The following PSD3 variants were observed in gnomAD, a reference collection of about 807,000 sequenced individuals.
PSD3 encodes the protein pleckstrin and Sec7 domain containing 3.
A neutral mutation model predicts 105.5 loss-of-function variants in PSD3; 49 were observed. The observed-to-expected ratio is 0.46, with a 90% CI of 0.37 to 0.59. The LOEUF is 0.59. Ranked by LOEUF, PSD3 falls within the 20% of genes least tolerant of loss-of-function variation. The pLI is 0.00. For missense variants in PSD3, 1,561 were observed against 1,263.8 expected (o/e 1.24, Z -3.57); for synonymous variants, 557 against 457.8 (o/e 1.22, Z -2.77).
intron 1 of PSD3, among the ~76,000 whole-genome samples, chr8:19,023,802 G>T (rs1827446943): frequency 6.6e-6 from 1 of 152,072 alleles, no homozygotes; most frequent in South Asian, 2.1e-4. Flanking sequence ...TGACAGCACT[G>T]CTTCACAGTC....
chr8:18,718,866 A>C (rs1033580968), intron 9 of PSD3, among the ~76,000 whole-genome samples: 4 of 152,184 alleles, frequency 2.6e-5, no homozygotes, highest in Non-Finnish European at 4.4e-5. Context: ...TTTTACAAAA[A>C]GGAGGCAATG....
chr8:18,800,575 G>C (rs1437444833), intron 7 of PSD3, among the ~76,000 whole-genome samples: 1 of 152,188 alleles, frequency 6.6e-6, no homozygotes, highest in Admixed American at 6.5e-5. Flanking sequence ...ACACTGAAAA[G>C]TGTACTTTAT....
At chr8:18,635,315 C>T (rs1807173292) in intron 10 of PSD3, among the ~76,000 whole-genome samples, 1 of 152,134 alleles carries the variant, frequency 6.6e-6, no homozygotes, top group Admixed American at 6.5e-5. Flanking sequence ...GAAATCAAAT[C>T]TCGGGGCTAG....
Position 18,935,894 on chromosome 8 carries a change from G to A in PSD3, c.130+140C>T, listed in dbSNP as rs1056280052. 68 of 574,080 alleles carry A rather than the reference G, an allele frequency of 1.2e-4. 1 individual carries two copies. The South Asian group carries it at 2.0e-3, about 17-fold the overall frequency. 35.6% of individuals were successfully genotyped at this position (574,080 alleles called of 1,614,324 possible). The stretch of plus-strand genomic sequence containing the variant: ...AAATATTTGCGGATTCTACATCTTG[G>A]GAAGATTGTTTTGATGAATAATTAG... On this transcript the variant is annotated intron_variant, in intron 2 of 15. Coordinates refer to ENST00000327040, the MANE Select transcript of PSD3 (RefSeq NM_015310.4).
intron 9 of PSD3, among the ~76,000 whole-genome samples, chr8:18,752,617 AATATATATT>A (rs1563225831): frequency 2.8e-5 from 2 of 71,802 alleles, no homozygotes; most frequent in East Asian, 4.2e-4. Context: ...TAATACATAT[AATATATATT>A]ATATATAATA....
intron 9 of PSD3, among the ~76,000 whole-genome samples, chr8:18,730,526 G>A (rs1488277190): frequency 1.2e-4 from 18 of 152,134 alleles, no homozygotes; most frequent in Admixed American, 1.2e-3. Context: ...TAGTACCTCT[G>A]AGGAAAGATA....
At chr8:18,884,279 C>T (rs1194019257) in intron 2 of PSD3, among the ~76,000 whole-genome samples, 1 of 152,036 alleles carries the variant, frequency 6.6e-6, no homozygotes, top group Non-Finnish European at 1.5e-5. Context: ...AACATTTTTA[C>T]GTTTAATAAT....
chr8:18,741,853 G>C lies in PSD3; in HGVS notation c.2172+23596C>G, dbSNP rs200850548. ...CATATGGTTACCAACAAATGAAATA[G>C]TGACTGTTGCAAACAGAATAAAAAA... On this transcript the variant is annotated intron_variant, in intron 9 of 15. Transcript: ENST00000327040. Among the ~76,000 whole-genome samples, 3 of 141,994 alleles carry C rather than the reference G, an allele frequency of 2.1e-5. No homozygotes were observed. In the East Asian group the frequency reaches 6.1e-4, roughly 29 times the overall value. The allele number at this position is 141,994 out of a possible 152,430, so 93.2% of individuals were successfully genotyped here.
chr8:18,850,948 T>C (rs1424089311), intron 4 of PSD3, among the ~76,000 whole-genome samples: 4 of 152,116 alleles, frequency 2.6e-5, no homozygotes, highest in African/African-American at 4.8e-5. Flanking sequence ...TTCTTATGCA[T>C]ACCAGGAGCA....
rs1411206376 is a variant in PSD3 at position 18,865,230 on chromosome 8, A to T, written c.1634+2444T>A. Reference sequence around the variant, plus strand: ...CTGGAATACAGATTCTATGTTATATATATATATATATATATATATATATAT... The same window carrying T: ...CTGGAATACAGATTCTATGTTATATTTATATATATATATATATATATATAT... On this transcript the variant is annotated intron_variant, in intron 4 of 15. Coordinates refer to ENST00000327040, the MANE Select transcript of PSD3 (RefSeq NM_015310.4). The T allele has an allele frequency of 9.0e-4, 4 of 4,442 alleles. No homozygotes were observed. The East Asian group carries it at 0.043, about 47-fold the overall frequency. 0.3% of individuals were successfully genotyped at this position (4,442 alleles called of 1,614,324 possible).
intron 4 of PSD3, among the ~76,000 whole-genome samples, chr8:18,861,370 C>T (rs1816429963): frequency 6.6e-6 from 1 of 152,116 alleles, no homozygotes; most frequent in African/African-American, 2.4e-5. Context: ...ATCCTCAGCC[C>T]ACTCCTCACC....
At chr8:18,797,909 C>T (rs1810328897) in intron 8 of PSD3, among the ~76,000 whole-genome samples, 1 of 151,998 alleles carries the variant, frequency 6.6e-6, no homozygotes, top group Non-Finnish European at 1.5e-5. Flanking sequence ...TGACTTGATT[C>T]AATGTTATAT....
chr8:18,971,567 G>C (rs117703079), intron 1 of PSD3, among the ~76,000 whole-genome samples: 1 of 152,122 alleles, frequency 6.6e-6, no homozygotes, highest in East Asian at 1.9e-4. Flanking sequence ...TGCAGCCCCC[G>C]GGCTTCAGCA....
At chr8:18,757,421 G>T (rs1806144815) in intron 9 of PSD3, among the ~76,000 whole-genome samples, 1 of 152,134 alleles carries the variant, frequency 6.6e-6, no homozygotes, top group Non-Finnish European at 1.5e-5. Flanking sequence ...CAGAGATCAT[G>T]CCACTGCATT....
Position 18,997,036 on chromosome 8 carries a change from G to A in PSD3, c.21+16527C>T, listed in dbSNP as rs182960578. Among the ~76,000 whole-genome samples the A allele has an allele frequency of 2.1e-3, 319 of 151,748 alleles. 2 individuals carry two copies. The highest frequency in any genetic ancestry group is 3.0e-3 in the Non-Finnish European group (205 of 67,918). ...TGCTTTCCTTCATTCTCCTTTATTG[G>A]TGCCTTCTCATCTCTTCAATCTCAG... On this transcript the variant is annotated intron_variant, in intron 1 of 15. Coordinates refer to ENST00000327040, the MANE Select transcript of PSD3 (RefSeq NM_015310.4).
intron 9 of PSD3, among the ~76,000 whole-genome samples, chr8:18,670,474 C>T (rs1799719907): frequency 6.6e-6 from 1 of 152,044 alleles, no homozygotes; most frequent in African/African-American, 2.4e-5. Context: ...AGCAGCGAGG[C>T]AGGTGGAATC....
chr8:18,727,319 C>T lies in PSD3; in HGVS notation c.2172+38130G>A, dbSNP rs908826295. Among the ~76,000 whole-genome samples the T allele has an allele frequency of 4.3e-5, 6 of 138,336 alleles. 1 individual carries two copies. The highest frequency in any genetic ancestry group is 1.4e-4 in the African/African-American group (5 of 35,974). The allele number at this position is 138,336 out of a possible 152,430, so 90.8% of individuals were successfully genotyped here. A position where few individuals can be genotyped will look rare whatever the true frequency, so the allele number is the denominator to read the frequency against. Reference sequence around the variant, plus strand: ...ACTACTGCACTCCAGCCCAGGAAACCGCAAGACTGTGTCTCAAAAAAAAAA... The same window carrying T: ...ACTACTGCACTCCAGCCCAGGAAACTGCAAGACTGTGTCTCAAAAAAAAAA... On this transcript the variant is annotated intron_variant, in intron 9 of 15. Transcript: ENST00000327040.
At chr8:18,553,718 T>C (rs1753440062) in intron 15 of PSD3, among the ~76,000 whole-genome samples, 1 of 152,202 alleles carries the variant, frequency 6.6e-6, no homozygotes, top group African/African-American at 2.4e-5. Context: ...TCAATGTTAA[T>C]TTAAATTACT....
intron 9 of PSD3, among the ~76,000 whole-genome samples, chr8:18,764,158 T>C (rs1460426504): frequency 6.6e-6 from 1 of 152,148 alleles, no homozygotes; most frequent in Non-Finnish European, 1.5e-5. Flanking sequence ...CTATGAAAAT[T>C]TTCCTGTCAA....
Sources: allele counts gnomAD v4.1 joint callset (sites outside exome capture counted in the v4.1 genomes callset), GRCh38; gene constraint gnomAD v4.1.1; transcripts MANE v1.5; gene names NCBI Gene and HGNC (gene_info 2026-07-23, HGNC 2026-07-21).